TNIK: variants seen among roughly 807,000 people sequenced by gnomAD.
The protein encoded by TNIK is TRAF2 and NCK-interacting protein kinase.
TNIK carries 49 observed loss-of-function variants against 191.3 expected under a neutral mutation model. The ratio of observed to expected loss-of-function variants is 0.26; its 90% CI spans 0.20 to 0.32. The LOEUF (loss-of-function observed/expected upper bound fraction) is 0.32, where lower values mean the gene tolerates loss of function less well. TNIK is among the 10% of genes least tolerant of loss of function. TNIK has a pLI of 1.00. For synonymous variants in TNIK, 594 were observed against 600.9 expected (o/e 0.99, Z 0.17); for missense variants, 1,155 against 1,702.3 (o/e 0.68, Z 5.66).
chr3:171,349,219 T>C lies in TNIK; in HGVS notation c.123+20401A>G, dbSNP rs141941913. On this transcript the variant is annotated intron_variant, in intron 2 of 32. Transcript: ENST00000436636. ...TCCACCACCAATCTACTGGGAAAAT[T>C]AGAAATTTTGGATAGTGGTCTGAGT... 8.6e-4 allele frequency among the ~76,000 whole-genome samples: 131 copies of C among 152,196 alleles called. 2 individuals are homozygous for C. The highest frequency in any genetic ancestry group is 7.2e-4 in the Admixed American group (11 of 15,282).
intron 6 of TNIK, among the ~76,000 whole-genome samples, chr3:171,189,141 T>G (rs1259537168): frequency 1.3e-5 from 2 of 152,212 alleles, no homozygotes; most frequent in East Asian, 3.8e-4. Context: ...AATTTGACTA[T>G]TCTCACTACC....
chr3:171,075,768 G>A (rs897306458), intron 28 of TNIK, among the ~76,000 whole-genome samples: 9 of 145,196 alleles, frequency 6.2e-5, no homozygotes, highest in Admixed American at 3.5e-4. Context: ...ATGGAGTCTC[G>A]TACTGTTGCC....
chr3:171,313,408 T>C (rs1406502076), intron 2 of TNIK, among the ~76,000 whole-genome samples: 1 of 152,138 alleles, frequency 6.6e-6, no homozygotes, highest in Non-Finnish European at 1.5e-5. Flanking sequence ...GGTGATGTGA[T>C]GGAGGCCTCA....
intron 2 of TNIK, among the ~76,000 whole-genome samples, chr3:171,305,282 G>A (rs1417956293): frequency 6.6e-6 from 1 of 152,040 alleles, no homozygotes; most frequent in African/African-American, 2.4e-5. Context: ...AACATTTGAG[G>A]ACCTGAAACA....
intron 1 of TNIK, among the ~76,000 whole-genome samples, chr3:171,403,263 A>C (rs887920312): frequency 2.0e-5 from 3 of 152,200 alleles, no homozygotes; most frequent in African/African-American, 4.8e-5. Context: ...AAGAGTGTAG[A>C]ACTACACTAG....
At chr3:171,065,140 C>T (rs534759477) in intron 32 of TNIK, among the ~76,000 whole-genome samples, 4 of 152,258 alleles carry the variant, frequency 2.6e-5, no homozygotes, top group South Asian at 2.1e-4. Context: ...GGTTTTCAAT[C>T]GGAATGTGGG....
In TNIK at chr3:171,258,051, C is replaced by A. The variant is rs978586309; in HGVS notation, c.124-29830G>T. On this transcript the variant is annotated intron_variant, in intron 2 of 32. Coordinates refer to ENST00000436636, the MANE Select transcript of TNIK (RefSeq NM_015028.4). ...GACTGGTGCTTTTGTCCCTCATCTT[C>A]ATTTTTCCACCACAGTGATGATGGA... Among the ~76,000 whole-genome samples the A allele has an allele frequency of 2.0e-5, 3 of 152,124 alleles. No homozygotes were observed. The South Asian group carries it at 6.2e-4, about 32-fold the overall frequency.
intron 23 of TNIK, among the ~76,000 whole-genome samples, chr3:171,091,355 T>C (rs970832344): frequency 6.6e-6 from 1 of 152,142 alleles, no homozygotes; most frequent in Non-Finnish European, 1.5e-5. Flanking sequence ...CCAACTAGGA[T>C]TTATACCAAC....
intron 2 of TNIK, among the ~76,000 whole-genome samples, chr3:171,311,706 A>G (rs1399692843): frequency 1.3e-5 from 2 of 152,136 alleles, no homozygotes; most frequent in Admixed American, 1.3e-4. Flanking sequence ...CATTCTCCAA[A>G]CACTTTTTTC....
chr3:171,317,289 T>G (rs2108320519), intron 2 of TNIK, among the ~76,000 whole-genome samples: 1 of 152,122 alleles, frequency 6.6e-6, no homozygotes, highest in East Asian at 1.9e-4. Context: ...AAGACTACCA[T>G]TTGTTGTTCT....
chr3:171,129,587 A>G (rs1055019903), intron 15 of TNIK, among the ~76,000 whole-genome samples: 1 of 151,860 alleles, frequency 6.6e-6, no homozygotes, highest in Non-Finnish European at 1.5e-5. Flanking sequence ...GTTTCTACAC[A>G]TGTGGTGTTC....
intron 29 of TNIK, 23 bp from the exon 30 acceptor site, chr3:171,069,020 A>G: frequency 6.3e-7 from 1 of 1,597,944 alleles, no homozygotes; most frequent in African/African-American, 1.3e-5. Flanking sequence ...CCCCATTAGT[A>G]TCCGCATCAC....
intron 23 of TNIK, among the ~76,000 whole-genome samples, chr3:171,091,541 G>C (rs1282847282): frequency 6.6e-6 from 1 of 152,058 alleles, no homozygotes; most frequent in East Asian, 1.9e-4. Flanking sequence ...TCAGGAGTTT[G>C]AGACCAGCCT....
Position 171,241,023 on chromosome 3 carries a change from T to A in TNIK, c.124-12802A>T, listed in dbSNP as rs1329627566. ...ACTTTTCCAAGTCCTTCTGTTTCTT[T>A]TTTTTTCTTTTCTTTTTTTTTTTGG... On this transcript the variant is annotated intron_variant, in intron 2 of 32. Transcript: ENST00000436636. Among the ~76,000 whole-genome samples, 13 of 146,960 alleles carry A rather than the reference T, an allele frequency of 8.8e-5. No homozygotes were observed. In the East Asian group the frequency reaches 2.5e-3, roughly 29 times the overall value.
chr3:171,197,048 A>G (rs1457758984), intron 4 of TNIK, among the ~76,000 whole-genome samples: 1 of 152,100 alleles, frequency 6.6e-6, no homozygotes, highest in Admixed American at 6.6e-5. Flanking sequence ...GAGCCACCAC[A>G]CCTGGCCAGT....
intron 1 of TNIK, among the ~76,000 whole-genome samples, chr3:171,434,460 TTTATTTA>T (rs1270190718): frequency 1.1e-3 from 159 of 150,362 alleles, no homozygotes; most frequent in African/African-American, 3.8e-3. Context: ...TATTTATTTA[TTTATTTA>T]TTTTTTTTGA....
chr3:171,151,565 T>C (rs1732437969), intron 12 of TNIK, among the ~76,000 whole-genome samples: 1 of 152,176 alleles, frequency 6.6e-6, no homozygotes, highest in African/African-American at 2.4e-5. Context: ...GTGAGGTAAA[T>C]GCTATTGTTA....
chr3:171,406,986 C>G (rs1436258080), intron 1 of TNIK, among the ~76,000 whole-genome samples: 3 of 152,138 alleles, frequency 2.0e-5, no homozygotes, highest in Non-Finnish European at 2.9e-5. Context: ...TCAGGCCTGC[C>G]TGGGGAAGTG....
chr3:171,444,366 C>A (rs565724556), intron 1 of TNIK, among the ~76,000 whole-genome samples: 4 of 152,020 alleles, frequency 2.6e-5, no homozygotes, highest in Admixed American at 2.0e-4. Context: ...ATAAATAACT[C>A]GAAGATTTTA....
Sources: allele counts gnomAD v4.1 joint callset (sites outside exome capture counted in the v4.1 genomes callset), GRCh38; gene constraint gnomAD v4.1.1; transcripts MANE v1.5; gene names NCBI Gene and HGNC (gene_info 2026-07-23, HGNC 2026-07-21).